IMMP1L: variants seen among roughly 807,000 people sequenced by gnomAD.
IMMP1L encodes mitochondrial inner membrane protease subunit 1.
A neutral mutation model predicts 21.8 loss-of-function variants in IMMP1L; 24 were observed. The observed-to-expected ratio is 1.10, with a 90% confidence interval of 0.80 to 1.55. The LOEUF is 1.55. IMMP1L is among the 40% of genes most tolerant of loss of function. IMMP1L has a pLI of 0.00. For missense variants in IMMP1L, 195 were observed against 200.7 expected (o/e 0.97, Z 0.17); for synonymous variants, 46 against 62.8 (o/e 0.73, Z 1.26).
At chr11:31,441,756 CT>C (rs928892895) in intron 4 of IMMP1L, among the ~76,000 whole-genome samples, 22 of 151,682 alleles carry the variant, frequency 1.5e-4, no homozygotes, top group African/African-American at 4.4e-4. Flanking sequence ...TTTTTCTTTC[CT>C]TTTTTTGTGC....
intron 1 of IMMP1L, among the ~76,000 whole-genome samples, chr11:31,499,691 G>C (rs1012198786): frequency 3.3e-5 from 5 of 152,094 alleles, no homozygotes; most frequent in Non-Finnish European, 4.4e-5. Context: ...AAATTTCAGT[G>C]TCCACAAAGT....
chr11:31,474,612 G>T (rs1274630578), intron 1 of IMMP1L, among the ~76,000 whole-genome samples: 1 of 152,098 alleles, frequency 6.6e-6, no homozygotes, highest in East Asian at 1.9e-4. Flanking sequence ...TTGAGCCCAG[G>T]AGGTTAAGGC....
At chr11:31,454,448 T>C (rs1435277422) in intron 4 of IMMP1L, among the ~76,000 whole-genome samples, 1 of 17,422 alleles carries the variant, frequency 5.7e-5, no homozygotes, top group Non-Finnish European at 9.4e-5. Flanking sequence ...CAAGACCATG[T>C]CAAAAAAAAA....
intron 4 of IMMP1L, among the ~76,000 whole-genome samples, chr11:31,454,981 G>A (rs532903421): frequency 1.3e-5 from 2 of 152,208 alleles, no homozygotes; most frequent in South Asian, 2.1e-4. Flanking sequence ...TTTAAGAAGA[G>A]GATACAGTGT....
At chr11:31,481,498 T>C (rs1038497172) in intron 1 of IMMP1L, among the ~76,000 whole-genome samples, 2 of 151,934 alleles carry the variant, frequency 1.3e-5, no homozygotes, top group Non-Finnish European at 2.9e-5. Flanking sequence ...CACTTTTAAA[T>C]AGGCAATTAC....
At chr11:31,459,405 T>A (rs1408146052) in intron 3 of IMMP1L, among the ~76,000 whole-genome samples, 1 of 152,168 alleles carries the variant, frequency 6.6e-6, no homozygotes, top group Non-Finnish European at 1.5e-5. Flanking sequence ...TTTACTGAAA[T>A]GAAAGCAGGC....
chr11:31,490,721 C>T (rs1955226784), intron 1 of IMMP1L, among the ~76,000 whole-genome samples: 1 of 151,988 alleles, frequency 6.6e-6, no homozygotes, highest in Non-Finnish European at 1.5e-5. Context: ...AAATGGTCCC[C>T]CTTCCTGCCT....
rs184381931 is a variant in IMMP1L at position 31,471,022 on chromosome 11, T to C, written c.-29-7717A>G. Among the ~76,000 whole-genome samples, 165 of 152,292 alleles carry C rather than the reference T, an allele frequency of 1.1e-3. 1 individual carries two copies. The highest frequency in any genetic ancestry group is 2.0e-3 in the Non-Finnish European group (135 of 68,012). ...TAACAGACGCAAAATTACAGCTATA[T>C]AGGAGAAATAAGTTCTACTGTTCTA... On this transcript the variant is annotated intron_variant, in intron 1 of 5. Transcript: ENST00000532287.
chr11:31,452,236 T>C lies in IMMP1L; in HGVS notation c.321+4024A>G, dbSNP rs1953780691. On this transcript the variant is annotated intron_variant, in intron 4 of 5. Coordinates refer to ENST00000532287, the MANE Select transcript of IMMP1L (RefSeq NM_001304274.2). ...TACAACATGTTTGTTGATAGGAATT[T>C]ACCATATTTCAAAATGCCTATTTCA... 3.0e-6 allele frequency: 3 copies of C among 984,840 alleles called. No homozygotes were observed. In the African/African-American group the frequency reaches 5.2e-5, roughly 17 times the overall value. The allele number at this position is 984,840 out of a possible 1,614,324, so 61.0% of individuals were successfully genotyped here.
intron 4 of IMMP1L, among the ~76,000 whole-genome samples, chr11:31,454,937 T>C (rs1453678981): frequency 6.6e-6 from 1 of 152,178 alleles, no homozygotes; most frequent in Admixed American, 6.5e-5. Flanking sequence ...CTAATAGTCA[T>C]ATGAAGGTGA....
chr11:31,449,639 A>G (rs1335234418), intron 4 of IMMP1L, among the ~76,000 whole-genome samples: 1 of 152,188 alleles, frequency 6.6e-6, no homozygotes, highest in Non-Finnish European at 1.5e-5. Flanking sequence ...AGTAATAATG[A>G]TGATGTTATT....
At chr11:31,493,338 A>G (rs1298724305) in intron 1 of IMMP1L, among the ~76,000 whole-genome samples, 1 of 152,096 alleles carries the variant, frequency 6.6e-6, no homozygotes, top group Non-Finnish European at 1.5e-5. Flanking sequence ...CCAAGCAAAG[A>G]GGGGAAAGCC....
At chr11:31,434,288 A>C (rs1369575821) in intron 4 of IMMP1L, among the ~76,000 whole-genome samples, 2 of 152,128 alleles carry the variant, frequency 1.3e-5, no homozygotes, top group Admixed American at 6.6e-5. Context: ...CAAGATTTTT[A>C]CTCAGTGACA....
chr11:31,483,055 C>T (rs185673353), intron 1 of IMMP1L, among the ~76,000 whole-genome samples: 17 of 151,938 alleles, frequency 1.1e-4, no homozygotes, highest in African/African-American at 4.1e-4. Flanking sequence ...AAATCAGACA[C>T]ACAAAAAATG....
At chr11:31,442,123 C>A (rs947523909) in intron 4 of IMMP1L, among the ~76,000 whole-genome samples, 5 of 152,158 alleles carry the variant, frequency 3.3e-5, no homozygotes, top group African/African-American at 9.7e-5. Context: ...TTAAAGGGAC[C>A]TTTAAATCAT....
At chr11:31,479,792 T>A (rs1954833475) in intron 1 of IMMP1L, among the ~76,000 whole-genome samples, 1 of 152,060 alleles carries the variant, frequency 6.6e-6, no homozygotes, top group Non-Finnish European at 1.5e-5. Flanking sequence ...TTTTCCTATG[T>A]TCCTAAGCCA....
chr11:31,505,238 C>T (rs1386364275), intron 1 of IMMP1L, among the ~76,000 whole-genome samples: 2 of 152,060 alleles, frequency 1.3e-5, no homozygotes, highest in Non-Finnish European at 2.9e-5. Context: ...GGATTTACAA[C>T]AGTCAATCAA....
intron 4 of IMMP1L, among the ~76,000 whole-genome samples, chr11:31,445,078 A>G (rs929294966): frequency 2.6e-5 from 4 of 152,212 alleles, no homozygotes; most frequent in Non-Finnish European, 4.4e-5. Flanking sequence ...TTCTAAGACT[A>G]TCTCTGCACT....
At chr11:31,446,257 C>G (rs1205697716) in intron 4 of IMMP1L, among the ~76,000 whole-genome samples, 2 of 152,124 alleles carry the variant, frequency 1.3e-5, no homozygotes, top group Non-Finnish European at 2.9e-5. Flanking sequence ...TGTACTTCTT[C>G]CTATTCTCGA....
Sources: allele counts gnomAD v4.1 joint callset (sites outside exome capture counted in the v4.1 genomes callset), GRCh38; gene constraint gnomAD v4.1.1; transcripts MANE v1.5; gene names NCBI Gene and HGNC (gene_info 2026-07-23, HGNC 2026-07-21).